ARHGAP44: variants seen among roughly 807,000 people sequenced by gnomAD.
The protein encoded by ARHGAP44 is Rho GTPase activating protein 44.
A neutral mutation model predicts 106.8 loss-of-function variants in ARHGAP44; 43 were observed. The ratio of observed to expected loss-of-function variants is 0.40; its 90% CI spans 0.32 to 0.52. ARHGAP44 has a LOEUF of 0.52. Among genes scored for constraint, ARHGAP44 ranks in the 20% least tolerant of loss-of-function variants. ARHGAP44 has a pLI of 0.48. For synonymous variants in ARHGAP44, 439 were observed against 410.3 expected, an observed-to-expected ratio of 1.07 and a Z score of -0.85; for missense variants, 866 against 1,050.5, an observed-to-expected ratio of 0.82 and a Z score of 2.43.
intron 1 of ARHGAP44, among the ~76,000 whole-genome samples, chr17:12,856,989 C>T (rs533435825): frequency 2.0e-5 from 3 of 152,062 alleles, no homozygotes; most frequent in Non-Finnish European, 4.4e-5. Flanking sequence ...AATGAACATA[C>T]TTTTTTCAAG....
intron 1 of ARHGAP44, among the ~76,000 whole-genome samples, chr17:12,883,529 C>T (rs539179630): frequency 9.3e-5 from 14 of 151,082 alleles, no homozygotes; most frequent in South Asian, 4.2e-4. Flanking sequence ...ATTTTGCTAC[C>T]GAACAAATTT....
In ARHGAP44 at chr17:12,952,539, A is replaced by G; in HGVS notation, c.1094A>G (p.Asn365Ser). The change falls in exon 13 of 21, where the codon AAT becomes AGT. Residue 365 changes from asparagine (N) to serine (S), a missense_variant. Asn to Ser is a conservative substitution (Grantham distance 46). Transcript: ENST00000379672. ...GACAAGAAGCTTCAGGCTCTATGGA[A>G]TGCTTGTGAAAAGTTGCCCAAGGCC... ...EQDKKLQALW[N>S]ACEKLPKANH... 1 of 1,581,082 alleles carries G rather than the reference A, an allele frequency of 6.3e-7. No homozygotes were observed.
In ARHGAP44 at chr17:12,806,357, A is replaced by G. The variant is rs144700251; in HGVS notation, c.53+16466A>G. ...GATATAGAGTATGTCTCTTTTAAGA[A>G]AGTAAAATAAATTCTTCATGTTGGG... On this transcript the variant is annotated intron_variant, in intron 1 of 20. Coordinates refer to ENST00000379672, the MANE Select transcript of ARHGAP44 (RefSeq NM_014859.6). Among the ~76,000 whole-genome samples the G allele has an allele frequency of 7.4e-3, 1,123 of 152,280 alleles. 20 individuals are homozygous for G. Among genetic ancestry groups the G allele is most frequent in the African/African-American group, 0.026 (1,074 of 41,544 alleles).
Position 12,950,000 on chromosome 17 carries a change from G to A in ARHGAP44, c.1055+270G>A, listed in dbSNP as rs985283433. The stretch of plus-strand genomic sequence containing the variant: ...TAAACTGTGGAGTGTCTGTACCATC[G>A]CACACTCTGGAACAATTAAAAAATA... On this transcript the variant is annotated intron_variant, in intron 12 of 20. Transcript: ENST00000379672. The surrounding 1 kb of genome is among the most constrained non-coding windows in gnomAD (Gnocchi z 4.1). Among the ~76,000 whole-genome samples the A allele has an allele frequency of 4.6e-5, 7 of 152,124 alleles. No individual in the cohort carries two copies. In the South Asian group the frequency reaches 1.0e-3, roughly 23 times the overall value.
At chr17:12,898,719 A>G (rs1434495876) in intron 3 of ARHGAP44, among the ~76,000 whole-genome samples, 1 of 152,206 alleles carries the variant, frequency 6.6e-6, no homozygotes, top group African/African-American at 2.4e-5. Context: ...TCTAGCTGCA[A>G]GGGAGGCTGA....
intron 1 of ARHGAP44, among the ~76,000 whole-genome samples, chr17:12,800,235 T>G (rs147962872): frequency 7.9e-5 from 12 of 152,328 alleles, no homozygotes; most frequent in African/African-American, 2.9e-4. Context: ...TTTGTCTCCT[T>G]TTCCCAAATC....
chr17:12,904,482 C>G (rs146804380), intron 3 of ARHGAP44, among the ~76,000 whole-genome samples: 1 of 152,328 alleles, frequency 6.6e-6, no homozygotes, highest in African/African-American at 2.4e-5. Context: ...ACCTTGGAAT[C>G]CAAGCTCTCA....
At chr17:12,974,021 G>C (rs2039599796) in intron 17 of ARHGAP44, 68 bp from the exon 18 acceptor site, 3 of 1,472,882 alleles carry the variant, frequency 2.0e-6, no homozygotes, top group Non-Finnish European at 2.8e-6. Context: ...GCTTGAATGT[G>C]GGGGAGGGAG....
intron 4 of ARHGAP44, among the ~76,000 whole-genome samples, chr17:12,910,692 C>G (rs1461441079): frequency 1.3e-5 from 2 of 151,942 alleles, no homozygotes; most frequent in East Asian, 1.9e-4. Context: ...GTGATCCACC[C>G]TCCTCGGCCT....
chr17:12,900,185 A>G (rs1451580303), intron 3 of ARHGAP44, among the ~76,000 whole-genome samples: 4 of 151,694 alleles, frequency 2.6e-5, no homozygotes, highest in African/African-American at 7.3e-5. Context: ...GCTGGAGCGC[A>G]GTGGCACCAT....
chr17:12,890,206 C>G (rs9914777), intron 1 of ARHGAP44, among the ~76,000 whole-genome samples: 30,944 of 152,090 alleles, frequency 0.2, 3,999 homozygotes, highest in East Asian at 0.44. Flanking sequence ...TAGACTCTCT[C>G]TGTGGTGGTT....
chr17:12,876,891 C>T (rs1056092614), intron 1 of ARHGAP44, among the ~76,000 whole-genome samples: 10 of 126,872 alleles, frequency 7.9e-5, no homozygotes, highest in Admixed American at 1.9e-4. Context: ...AGCCTGGTGA[C>T]AGAGTGAGAC....
chr17:12,817,580 A>T (rs544530428), intron 1 of ARHGAP44, among the ~76,000 whole-genome samples: 63 of 152,164 alleles, frequency 4.1e-4, no homozygotes, highest in Middle Eastern at 3.4e-3. Flanking sequence ...AATAAATGAA[A>T]ACAAAAGCTG....
intron 1 of ARHGAP44, among the ~76,000 whole-genome samples, chr17:12,876,612 T>A (rs1324233558): frequency 6.6e-6 from 1 of 151,622 alleles, no homozygotes; most frequent in Non-Finnish European, 1.5e-5. Flanking sequence ...GATGGGGAGA[T>A]GGGTTAGAAG....
chr17:12,835,954 T>C (rs546543495), intron 1 of ARHGAP44, among the ~76,000 whole-genome samples: 1 of 152,336 alleles, frequency 6.6e-6, no homozygotes, highest in Non-Finnish European at 1.5e-5. Flanking sequence ...AAGTTTTATC[T>C]ATGTTGTAGC....
At chr17:12,963,429 G>A (rs956950444) in intron 16 of ARHGAP44, among the ~76,000 whole-genome samples, 1 of 152,212 alleles carries the variant, frequency 6.6e-6, no homozygotes, top group Non-Finnish European at 1.5e-5. Context: ...GAAGTCCCCA[G>A]CCCTCAAGCC....
chr17:12,904,211 A>T (rs932140294), intron 3 of ARHGAP44, among the ~76,000 whole-genome samples: 4 of 151,970 alleles, frequency 2.6e-5, no homozygotes, highest in African/African-American at 9.7e-5. Flanking sequence ...GGTTCAAGCG[A>T]TTCTCCTGCC....
At chr17:12,885,417 T>C (rs117227193) in intron 1 of ARHGAP44, among the ~76,000 whole-genome samples, 1,808 of 152,054 alleles carry the variant, frequency 0.012, 7 homozygotes, top group Non-Finnish European at 0.02. Flanking sequence ...TGTTCAAGTT[T>C]ATGACAAACT....
At position 12,980,112 on chromosome 17, in the gene ARHGAP44, C is replaced by A. The variant is rs201054130; in HGVS notation, c.1818C>A (p.Gly606=). 2.6e-4 allele frequency: 424 copies of A among 1,613,746 alleles called. 1 individual carries two copies. Among genetic ancestry groups the A allele is most frequent in the Non-Finnish European group, 3.0e-4 (357 of 1,179,792 alleles). ...GCTCTGCACAGAAAGGAAGTCCAGGCTCCAGCCAGGGCACAGCCTGTGCAG... is the reference window on the plus strand; with the variant it reads ...GCTCTGCACAGAAAGGAAGTCCAGGATCCAGCCAGGGCACAGCCTGTGCAG... ...SPGSAQKGSP[G]SSQGTACAGT... Residue 606 remains glycine, a synonymous_variant, in exon 19 of 21, where the codon GGC becomes GGA. Coordinates refer to ENST00000379672, the MANE Select transcript of ARHGAP44 (RefSeq NM_014859.6).
Sources: gnomAD v4.1 joint callset for allele counts (sites outside exome capture counted in the v4.1 genomes callset) on GRCh38, gnomAD v4.1.1 for gene constraint, Gnocchi (gnomAD v3.1) non-coding constraint, MANE v1.5 for transcripts, NCBI Gene and HGNC (gene_info 2026-07-23, HGNC 2026-07-21) for gene names.